Variants in ZFHX3 observed in about 807,000 individuals in gnomAD.
ZFHX3 encodes the protein zinc finger homeobox 3.
Under a neutral mutation model 279.1 loss-of-function variants are expected in ZFHX3, and 42 were observed. The observed-to-expected ratio is 0.15, with a 90% CI of 0.12 to 0.19. The LOEUF is 0.19. Ranked by LOEUF, ZFHX3 falls within the 10% of genes least tolerant of loss-of-function variation. ZFHX3 has a pLI of 1.00. For missense variants in ZFHX3, 4,981 were observed against 4,754.0 expected, an observed-to-expected ratio of 1.05 and a Z score of -1.40; for synonymous variants, 2,293 against 1,957.8, an observed-to-expected ratio of 1.17 and a Z score of -4.52.
intron 1 of ZFHX3, among the ~76,000 whole-genome samples, chr16:73,883,685 T>C (rs2030252915): frequency 6.6e-6 from 1 of 151,690 alleles, no homozygotes; most frequent in Non-Finnish European, 1.5e-5. Flanking sequence ...GATGATTCCT[T>C]AGGGATTTCC....
intron 2 of ZFHX3, among the ~76,000 whole-genome samples, chr16:73,611,935 G>T (rs963405396): frequency 3.9e-5 from 6 of 152,106 alleles, no homozygotes; most frequent in African/African-American, 1.2e-4. Context: ...ATGTGACAGG[G>T]TATCTATCTT....
chr16:73,879,467 G>A (rs990285809), intron 1 of ZFHX3, among the ~76,000 whole-genome samples: 1 of 151,962 alleles, frequency 6.6e-6, no homozygotes, highest in East Asian at 1.9e-4. Context: ...TCATTTGCAC[G>A]CTTCCCTTTC....
intron 1 of ZFHX3, among the ~76,000 whole-genome samples, chr16:73,004,662 T>C (rs1415368641): frequency 6.6e-6 from 1 of 152,162 alleles, no homozygotes; most frequent in Non-Finnish European, 1.5e-5. Context: ...TAGGACACAC[T>C]GTCAATTCCA....
Position 72,967,053 on chromosome 16 carries a change from T to C in ZFHX3, c.-49-6859A>G, listed in dbSNP as rs1961875704. On this transcript the variant is annotated intron_variant, in intron 1 of 9. Coordinates refer to ENST00000268489, the MANE Select transcript of ZFHX3 (RefSeq NM_006885.4). ...CCACAAGGCTATGAGTGGCATGAGA[T>C]CAGGTTCCCTGTGCTATTCATCTCT... Among the ~76,000 whole-genome samples, 3 of 152,210 alleles carry C rather than the reference T, an allele frequency of 2.0e-5. No homozygotes were observed. In the South Asian group the frequency reaches 6.2e-4, roughly 31 times the overall value.
chr16:73,288,261 T>G lies in ZFHX3; in HGVS notation c.-1194+29979A>C, dbSNP rs912166065. Among the ~76,000 whole-genome samples, 3 of 151,956 alleles carry G rather than the reference T, an allele frequency of 2.0e-5. No homozygotes were observed. The East Asian group carries it at 5.8e-4, about 29-fold the overall frequency. On this transcript the variant is annotated intron_variant, in intron 4 of 17. Coordinates refer to the ZFHX3 transcript ENST00000641206. Reference sequence around the variant, plus strand: ...GAAAAGGAGATGAAAGCAGCCAGAATTATTTCTCAAATAAAAATCCGGCCA... The same window carrying G: ...GAAAAGGAGATGAAAGCAGCCAGAAGTATTTCTCAAATAAAAATCCGGCCA...
intron 5 of ZFHX3, among the ~76,000 whole-genome samples, chr16:73,193,870 T>G (rs1055491622): frequency 2.0e-5 from 3 of 152,238 alleles, no homozygotes; most frequent in Non-Finnish European, 2.9e-5. Flanking sequence ...ATGCACCACA[T>G]GCTTAAACCA....
intron 5 of ZFHX3, among the ~76,000 whole-genome samples, chr16:73,155,596 G>A (rs1967057898): frequency 6.6e-6 from 1 of 152,184 alleles, no homozygotes; most frequent in Non-Finnish European, 1.5e-5. Context: ...GCTGTGGTGG[G>A]TGGATCACCT....
intron 1 of ZFHX3, among the ~76,000 whole-genome samples, chr16:73,789,470 G>A (rs572043310): frequency 4.4e-4 from 67 of 152,204 alleles, no homozygotes; most frequent in African/African-American, 1.3e-3. Context: ...GTGAGCCACC[G>A]TGCCCGGCTG....
intron 5 of ZFHX3, among the ~76,000 whole-genome samples, chr16:73,155,932 G>A (rs1470269285): frequency 2.0e-5 from 3 of 151,936 alleles, no homozygotes; most frequent in South Asian, 4.2e-4. Context: ...TGTTATATAT[G>A]TAAGAATATA....
At chr16:73,469,684 C>G (rs868750301) in intron 2 of ZFHX3, among the ~76,000 whole-genome samples, 2 of 152,026 alleles carry the variant, frequency 1.3e-5, no homozygotes, top group African/African-American at 2.4e-5. Context: ...GTGGCGTGAT[C>G]TCGACTCACT....
chr16:73,829,193 G>A (rs923663504), intron 1 of ZFHX3, among the ~76,000 whole-genome samples: 1 of 91,254 alleles, frequency 1.1e-5, no homozygotes, highest in Non-Finnish European at 1.8e-5. Context: ...CCAGTTGATC[G>A]CATCGGCTCC....
intron 3 of ZFHX3, among the ~76,000 whole-genome samples, chr16:73,342,692 C>T (rs2016056123): frequency 6.6e-6 from 1 of 152,100 alleles, no homozygotes; most frequent in South Asian, 2.1e-4. Flanking sequence ...GATTGGTTTC[C>T]TGCAAGAGGT....
intron 1 of ZFHX3, among the ~76,000 whole-genome samples, chr16:73,772,878 G>A (rs2142294258): frequency 6.6e-6 from 1 of 152,232 alleles, no homozygotes; most frequent in South Asian, 2.1e-4. Context: ...GAATCTCCAG[G>A]CATCTTGAAA....
At chr16:73,325,413 A>G (rs1159568044) in intron 3 of ZFHX3, among the ~76,000 whole-genome samples, 3 of 152,154 alleles carry the variant, frequency 2.0e-5, no homozygotes, top group Non-Finnish European at 4.4e-5. Flanking sequence ...GGCTCTAATG[A>G]ATCTAAGTGC....
chr16:73,646,832 C>T (rs1030424974), intron 2 of ZFHX3, among the ~76,000 whole-genome samples: 4 of 152,094 alleles, frequency 2.6e-5, no homozygotes, highest in Non-Finnish European at 2.9e-5. Flanking sequence ...AAGATCTAGA[C>T]TGCCAAATGC....
intron 3 of ZFHX3, among the ~76,000 whole-genome samples, chr16:73,359,100 T>C (rs1211828335): frequency 6.6e-6 from 1 of 151,944 alleles, no homozygotes; most frequent in East Asian, 1.9e-4. Flanking sequence ...CCACAGCTCA[T>C]AAAGGAAGAT....
chr16:73,128,146 C>A (rs1436616265), intron 7 of ZFHX3, among the ~76,000 whole-genome samples: 1 of 152,116 alleles, frequency 6.6e-6, no homozygotes, highest in Admixed American at 6.5e-5. Context: ...TTGTTTGTTA[C>A]CCAGCATAAC....
chr16:73,780,811 A>G (rs905216945), intron 1 of ZFHX3, among the ~76,000 whole-genome samples: 1 of 152,180 alleles, frequency 6.6e-6, no homozygotes, highest in African/African-American at 2.4e-5. Flanking sequence ...GAATAACTTC[A>G]TATTTTAAGA....
intron 3 of ZFHX3, among the ~76,000 whole-genome samples, chr16:73,454,836 A>C (rs2018344371): frequency 6.6e-6 from 1 of 152,004 alleles, no homozygotes; most frequent in Non-Finnish European, 1.5e-5. Flanking sequence ...TTATGCAAAT[A>C]TTCAAGACTT....
Sources: allele counts gnomAD v4.1 joint callset (sites outside exome capture counted in the v4.1 genomes callset), GRCh38; gene constraint gnomAD v4.1.1; transcripts MANE v1.5; gene names NCBI Gene and HGNC (gene_info 2026-07-23, HGNC 2026-07-21).